The following BRINP1 variants were observed in gnomAD, a reference collection of about 807,000 sequenced individuals.
BRINP1 encodes the protein BMP/retinoic acid-inducible neural-specific protein 1.
A neutral mutation model predicts 72.9 loss-of-function variants in BRINP1; 17 were observed. The observed-to-expected ratio is 0.23, with a 90% CI of 0.16 to 0.35. BRINP1 has a LOEUF of 0.35. Ranked by LOEUF, BRINP1 falls within the 10% of genes least tolerant of loss-of-function variation. BRINP1 has a pLI of 1.00. For missense variants in BRINP1, 850 were observed against 1,001.6 expected (o/e 0.85, Z 2.04); for synonymous variants, 418 against 378.5 (o/e 1.10, Z -1.21).
intron 3 of BRINP1, among the ~76,000 whole-genome samples, chr9:119,244,757 T>C (rs184201689): frequency 2.1e-3 from 323 of 152,334 alleles, no homozygotes; most frequent in African/African-American, 7.0e-3. Flanking sequence ...ATTAAGAGAA[T>C]GTTCTGTTTA....
intron 7 of BRINP1, among the ~76,000 whole-genome samples, chr9:119,190,162 G>A (rs1829667899): frequency 6.6e-6 from 1 of 151,844 alleles, no homozygotes; most frequent in Non-Finnish European, 1.5e-5. Context: ...CCTATAGGAT[G>A]CATCAAAAGA....
At chr9:119,184,153 T>A (rs998424516) in intron 7 of BRINP1, among the ~76,000 whole-genome samples, 1 of 152,168 alleles carries the variant, frequency 6.6e-6, no homozygotes, top group Admixed American at 6.5e-5. Context: ...TTGCCTTGCA[T>A]CAGCCAAGTG....
intron 7 of BRINP1, among the ~76,000 whole-genome samples, chr9:119,196,663 G>T (rs986172716): frequency 6.6e-6 from 1 of 152,088 alleles, no homozygotes; most frequent in African/African-American, 2.4e-5. Flanking sequence ...TATGTGTCTT[G>T]GGTGATCCTC....
intron 7 of BRINP1, among the ~76,000 whole-genome samples, chr9:119,186,470 G>C (rs571250575): frequency 1.5e-4 from 23 of 152,130 alleles, no homozygotes; most frequent in Non-Finnish European, 2.8e-4. Context: ...CTATCCCTTG[G>C]AGACCAGGTG....
intron 1 of BRINP1, among the ~76,000 whole-genome samples, chr9:119,321,173 C>T (rs564684996): frequency 8.5e-5 from 13 of 152,294 alleles, no homozygotes; most frequent in South Asian, 4.1e-4. Flanking sequence ...CCTCGTGATC[C>T]ACCCGCCTCG....
intron 7 of BRINP1, among the ~76,000 whole-genome samples, chr9:119,202,273 G>T (rs1219929790): frequency 1.3e-5 from 2 of 152,140 alleles, no homozygotes; most frequent in African/African-American, 4.8e-5. Flanking sequence ...GCTGGTGCAT[G>T]GTAAATGCTT....
intron 2 of BRINP1, among the ~76,000 whole-genome samples, chr9:119,309,758 T>TA (rs1831041691): frequency 6.6e-6 from 1 of 152,164 alleles, no homozygotes; most frequent in Non-Finnish European, 1.5e-5. Flanking sequence ...ATTCACTTTT[T>TA]ATGCCCTCTG....
chr9:119,291,983 GA>G (rs1015869698), intron 2 of BRINP1, among the ~76,000 whole-genome samples: 8 of 151,876 alleles, frequency 5.3e-5, no homozygotes, highest in Admixed American at 3.3e-4. Flanking sequence ...AACAATCTTA[GA>G]AAAAAAATAC....
At chr9:119,234,359 C>G (rs1482452442) in intron 5 of BRINP1, among the ~76,000 whole-genome samples, 2 of 151,968 alleles carry the variant, frequency 1.3e-5, no homozygotes, top group African/African-American at 4.8e-5. Flanking sequence ...ACTTTTTTTC[C>G]TGACTAGGAG....
At chr9:119,211,175 TATTTA>T (rs1829922846) in intron 6 of BRINP1, among the ~76,000 whole-genome samples, 2 of 127,968 alleles carry the variant, frequency 1.6e-5, no homozygotes. Context: ...TTTATTTATT[TATTTA>T]TTTATTTATT....
chr9:119,199,418 A>C (rs2118860621), intron 7 of BRINP1, among the ~76,000 whole-genome samples: 1 of 152,308 alleles, frequency 6.6e-6, no homozygotes, highest in South Asian at 2.1e-4. Context: ...ATATGTTAAA[A>C]GCTGACATGA....
At chr9:119,173,412 A>G (rs1330233041) in intron 7 of BRINP1, among the ~76,000 whole-genome samples, 1 of 149,928 alleles carries the variant, frequency 6.7e-6, no homozygotes, top group African/African-American at 2.5e-5. Context: ...ATACCTAGGA[A>G]TCCAACTTAC....
intron 5 of BRINP1, among the ~76,000 whole-genome samples, chr9:119,229,042 A>G (rs1830122524): frequency 1.3e-5 from 2 of 152,104 alleles, no homozygotes; most frequent in African/African-American, 4.8e-5. Flanking sequence ...ATGTATATGT[A>G]TTTGGTTTAA....
At chr9:119,200,281 G>A (rs1829791281) in intron 7 of BRINP1, among the ~76,000 whole-genome samples, 1 of 152,108 alleles carries the variant, frequency 6.6e-6, no homozygotes, top group African/African-American at 2.4e-5. Flanking sequence ...GTATGTGTGC[G>A]CTGATAGTCT....
chr9:119,366,309 T>C (rs1177277863), intron 1 of BRINP1, among the ~76,000 whole-genome samples: 2 of 152,110 alleles, frequency 1.3e-5, no homozygotes, highest in Non-Finnish European at 2.9e-5. Flanking sequence ...CACTGGTAGA[T>C]GGGTGTACAT....
intron 7 of BRINP1, among the ~76,000 whole-genome samples, chr9:119,198,672 ATT>A (rs35233721): frequency 0.65 from 94,902 of 146,372 alleles, 31,175 homozygotes; most frequent in Middle Eastern, 0.79. Context: ...GAAAATATTA[ATT>A]TTTTTTTTTT....
chr9:119,190,911 T>C (rs529636460), intron 7 of BRINP1, among the ~76,000 whole-genome samples: 4 of 151,928 alleles, frequency 2.6e-5, no homozygotes, highest in Non-Finnish European at 5.9e-5. Context: ...AATAAAATAT[T>C]AGCAAGCTGA....
rs1445488044 is a variant in BRINP1 at position 119,369,351 on chromosome 9, G to A, written c.-346C>T. ...CTCGCTCGCTCTCTCCCTCTCTCGC[G>A]GGTTCGCTCGCCTGCGCTCTCCTCC... On this transcript the variant is annotated 5_prime_UTR_variant, in exon 1 of 8. Transcript: ENST00000265922. The A allele has an allele frequency of 5.0e-6, 2 of 398,194 alleles. No individual in the cohort carries two copies. The highest frequency in any genetic ancestry group is 4.4e-5 in the Admixed American group (1 of 22,694). The allele number at this position is 398,194 out of a possible 1,614,324, so 24.7% of individuals were successfully genotyped here.
intron 7 of BRINP1, among the ~76,000 whole-genome samples, chr9:119,174,790 A>G (rs1417562486): frequency 6.6e-6 from 1 of 151,886 alleles, no homozygotes; most frequent in South Asian, 2.1e-4. Context: ...TGCATCCATA[A>G]AAAATGATGA....
Sources: gnomAD v4.1 joint callset for allele counts (sites outside exome capture counted in the v4.1 genomes callset) on GRCh38, gnomAD v4.1.1 for gene constraint, MANE v1.5 for transcripts, NCBI Gene and HGNC (gene_info 2026-07-23, HGNC 2026-07-21) for gene names.